HAO1: variants seen among roughly 807,000 people sequenced by gnomAD.
The protein encoded by HAO1 is hydroxyacid oxidase 1, also known as 2-Hydroxyacid oxidase 1.
HAO1 carries 34 observed loss-of-function variants against 39.7 expected under a neutral mutation model. The ratio of observed to expected loss-of-function variants is 0.86; its 90% CI spans 0.65 to 1.14. HAO1 has a LOEUF of 1.14. Ranked by LOEUF, HAO1 falls within the 50% of genes most tolerant of loss-of-function variation. The pLI is 0.00. For synonymous variants in HAO1, 172 were observed against 173.2 expected (o/e 0.99, Z 0.05); for missense variants, 479 against 464.5 (o/e 1.03, Z -0.29).
At chr20:7,900,987 G>A (rs562886229) in intron 4 of HAO1, among the ~76,000 whole-genome samples, 2 of 152,250 alleles carry the variant, frequency 1.3e-5, no homozygotes, top group East Asian at 1.9e-4. Context: ...AAGTTTGAGT[G>A]GTCTGGATAG....
At chr20:7,919,844 T>A (rs978719669) in intron 2 of HAO1, among the ~76,000 whole-genome samples, 3 of 152,230 alleles carry the variant, frequency 2.0e-5, no homozygotes. Flanking sequence ...TATTTGTTAA[T>A]CTTCTCCACA....
In HAO1 at chr20:7,914,145, C is replaced by T. The variant is rs1233501237; in HGVS notation, c.545+19G>A. ...AGATCCCTTTCGCCTCAGCTCGGGG[C>T]CCACATGATCATGGTTACCTGAGTT... On this transcript the variant is annotated intron_variant, in intron 3 of 7. Coordinates refer to ENST00000378789, the MANE Select transcript of HAO1 (RefSeq NM_017545.3). 1 of 1,612,472 alleles carries T rather than the reference C, an allele frequency of 6.2e-7. No individual in the cohort carries two copies. Among genetic ancestry groups the T allele is most frequent in the Non-Finnish European group, 8.5e-7 (1 of 1,178,600 alleles).
At chr20:7,918,599 A>G (rs2050317383) in intron 2 of HAO1, among the ~76,000 whole-genome samples, 2 of 152,262 alleles carry the variant, frequency 1.3e-5, no homozygotes, top group South Asian at 4.1e-4. Flanking sequence ...AGCAACTTAA[A>G]CATCAGTGCC....
At chr20:7,936,547 T>TGTGTGTGTGTGTGTGTG (rs751822933) in intron 1 of HAO1, among the ~76,000 whole-genome samples, 202 of 136,576 alleles carry the variant, frequency 1.5e-3, no homozygotes, top group East Asian at 2.4e-3. Flanking sequence ...TGTGTGTGTG[T>TGTGTGTGTGTGTGTGTG]TCGCGCGCGC....
At chr20:7,924,683 G>A (rs984889447) in intron 2 of HAO1, among the ~76,000 whole-genome samples, 2 of 152,024 alleles carry the variant, frequency 1.3e-5, no homozygotes, top group African/African-American at 4.8e-5. Flanking sequence ...TAATTTCTTT[G>A]AAAATAATTC....
chr20:7,885,566 G>C lies in HAO1; in HGVS notation c.997C>G (p.Leu333Val). The change falls in exon 7 of 8, where the codon CTC (leucine) becomes GTC (valine). Residue 333 changes from leucine to valine, a missense_variant. Transcript: ENST00000378789. ...FQGEKGVQDV[L>V]EILKEEFRLA... Reference sequence around the variant, plus strand: ...CGGAATTCTTCCTTTAGTATCTCGAGGACATCTTGAACACCTTTCTCCCCC... The same window carrying C: ...CGGAATTCTTCCTTTAGTATCTCGACGACATCTTGAACACCTTTCTCCCCC... 6.2e-7 allele frequency: 1 copy of C among 1,611,684 alleles called. No individual in the cohort carries two copies. Among genetic ancestry groups the C allele is most frequent in the Non-Finnish European group, 8.5e-7 (1 of 1,177,920 alleles).
chr20:7,914,614 G>A (rs950047644), intron 2 of HAO1, among the ~76,000 whole-genome samples, 195 bp from the exon 3 acceptor site: 1 of 152,106 alleles, frequency 6.6e-6, no homozygotes, highest in Non-Finnish European at 1.5e-5. Context: ...AATGGCTACT[G>A]GAGTTATTTC....
At chr20:7,903,562 T>C (rs1416368020) in intron 4 of HAO1, among the ~76,000 whole-genome samples, 1 of 150,354 alleles carries the variant, frequency 6.7e-6, no homozygotes, top group Non-Finnish European at 1.5e-5. Flanking sequence ...GTCTTGGTAA[T>C]GGTGGTGTTG....
chr20:7,906,378 G>A (rs6055387), intron 3 of HAO1, 49 bp from the exon 4 acceptor site: 35 of 1,009,536 alleles, frequency 3.5e-5, no homozygotes, highest in Admixed American at 3.2e-4. Flanking sequence ...TTAGAAATAC[G>A]TTTCCAATGA....
At chr20:7,925,424 C>A (rs1033510141) in intron 2 of HAO1, among the ~76,000 whole-genome samples, 3 of 152,092 alleles carry the variant, frequency 2.0e-5, no homozygotes, top group African/African-American at 7.2e-5. Flanking sequence ...TTTCAAGGAA[C>A]AATTAGTCTC....
At chr20:7,885,461 A>C (rs2050146232) in intron 7 of HAO1, 60 bp downstream of exon 7, 2 of 1,086,032 alleles carry the variant, frequency 1.8e-6, no homozygotes, top group South Asian at 2.5e-5. Flanking sequence ...TCTCTCCACC[A>C]AGGACCTTGA....
chr20:7,886,228 C>T (rs987997248), intron 5 of HAO1, among the ~76,000 whole-genome samples: 1 of 151,890 alleles, frequency 6.6e-6, no homozygotes, highest in Admixed American at 6.6e-5. Context: ...GGCTGGAGTG[C>T]AGTTTTGTGA....
rs148371109 is a variant in HAO1 at position 7,940,413 on chromosome 20, G to T, written c.10C>A (p.Arg4=). ...TCATAATCATTGATACAAATTAGCC[G>T]GGGGAGCATTTTCACAGGTTATTGC... The part of the protein sequence containing the change: MLP[R]LICINDYEQH... Residue 4 remains arginine (R), a synonymous_variant, in exon 1 of 8, where the codon CGG becomes AGG. Coordinates refer to ENST00000378789, the MANE Select transcript of HAO1 (RefSeq NM_017545.3). 2 of 1,605,828 alleles carry T rather than the reference G, an allele frequency of 1.2e-6. No homozygotes were observed. Among genetic ancestry groups the T allele is most frequent in the East Asian group, 2.2e-5 (1 of 44,664 alleles).
chr20:7,915,385 G>A (rs1462080068), intron 2 of HAO1, among the ~76,000 whole-genome samples: 1 of 151,692 alleles, frequency 6.6e-6, no homozygotes, highest in Non-Finnish European at 1.5e-5. Context: ...GAAAGGGGAA[G>A]GAGAAGGGGA....
chr20:7,897,551 T>C (rs949858753), intron 4 of HAO1, among the ~76,000 whole-genome samples: 4 of 152,098 alleles, frequency 2.6e-5, no homozygotes, highest in African/African-American at 9.6e-5. Context: ...AGCAATCATG[T>C]TTTTAATCTT....
intron 5 of HAO1, among the ~76,000 whole-genome samples, chr20:7,887,548 T>A (rs2050156218): frequency 6.6e-6 from 1 of 152,206 alleles, no homozygotes; most frequent in Admixed American, 6.5e-5. Flanking sequence ...TCTATTTACA[T>A]ATGTCCCTTT....
intron 3 of HAO1, among the ~76,000 whole-genome samples, chr20:7,909,093 A>G (rs1354961703): frequency 6.6e-6 from 1 of 151,886 alleles, no homozygotes; most frequent in Non-Finnish European, 1.5e-5. Flanking sequence ...AAAGGGTGAA[A>G]TGGATAGGAA....
rs1278103050 is a variant in HAO1, at chr20:7,883,453, T to C, written c.*140A>G. On this transcript the variant is annotated 3_prime_UTR_variant, in exon 8 of 8. Coordinates refer to ENST00000378789, the MANE Select transcript of HAO1 (RefSeq NM_017545.3). ...TCAAAAGCAATGAAATAAAAGGGAT[T>C]GCTATTTTGTTGGAAAAGAACGACA... 1 of 672,472 alleles carries C rather than the reference T, an allele frequency of 1.5e-6. No individual in the cohort carries two copies. The highest frequency in any genetic ancestry group is 2.7e-5 in the East Asian group (1 of 37,600). 41.7% of individuals were successfully genotyped at this position (672,472 alleles called of 1,614,324 possible). A position where few individuals can be genotyped will look rare whatever the true frequency, so the allele number is the denominator to read the frequency against.
intron 2 of HAO1, among the ~76,000 whole-genome samples, chr20:7,933,743 C>G (rs2122799562): frequency 6.6e-6 from 1 of 152,256 alleles, no homozygotes; most frequent in Admixed American, 6.5e-5. Context: ...ATATTAGTTT[C>G]TGGAGCACAA....
Sources: gnomAD v4.1 joint callset for allele counts (sites outside exome capture counted in the v4.1 genomes callset) on GRCh38, gnomAD v4.1.1 for gene constraint, MANE v1.5 for transcripts, NCBI Gene and HGNC (gene_info 2026-07-23, HGNC 2026-07-21) for gene names.